NDUFAF6: variants seen among roughly 807,000 people sequenced by gnomAD.
The protein encoded by NDUFAF6 is NADH dehydrogenase (ubiquinone) complex I, assembly factor 6.
A neutral mutation model predicts 40.8 loss-of-function variants in NDUFAF6; 45 were observed. The observed-to-expected ratio is 1.10, with a 90% CI of 0.87 to 1.42. The LOEUF is 1.42. Ranked by LOEUF, NDUFAF6 falls within the 40% of genes most tolerant of loss-of-function variation. The pLI, the probability that NDUFAF6 is intolerant of heterozygous loss-of-function variation, is 0.00. For synonymous variants in NDUFAF6, 185 were observed against 155.9 expected, an observed-to-expected ratio of 1.19 and a Z score of -1.39; for missense variants, 435 against 418.5, an observed-to-expected ratio of 1.04 and a Z score of -0.34.
chr8:95,093,979 GT>G (rs922022343), intron 2 of NDUFAF6, among the ~76,000 whole-genome samples: 3 of 150,808 alleles, frequency 2.0e-5, no homozygotes, highest in African/African-American at 7.3e-5. Context: ...TTTTTTTGTT[GT>G]TTTTTTTTGA....
chr8:94,942,011 C>A (rs1821584377), intron 1 of NDUFAF6, among the ~76,000 whole-genome samples: 1 of 152,002 alleles, frequency 6.6e-6, no homozygotes. Context: ...GTTATTCAGG[C>A]CAACACCCTA....
downstream of NDUFAF6, among the ~76,000 whole-genome samples, chr8:95,107,933 G>C (rs1809888533): frequency 1.3e-5 from 2 of 152,160 alleles, no homozygotes; most frequent in South Asian, 4.1e-4. Flanking sequence ...CAACTGTCTG[G>C]GCCACATGAG....
At chr8:94,918,151 C>A (rs893993155) in intron 1 of NDUFAF6, among the ~76,000 whole-genome samples, 24 of 152,156 alleles carry the variant, frequency 1.6e-4, no homozygotes, top group African/African-American at 5.8e-4. Flanking sequence ...AGTGCACCGA[C>A]CTGACCAATC....
chr8:95,088,339 T>C (rs926563979), intron 2 of NDUFAF6, among the ~76,000 whole-genome samples: 5 of 152,250 alleles, frequency 3.3e-5, no homozygotes, highest in Admixed American at 3.3e-4. Flanking sequence ...CTGGATTCTT[T>C]CCATATTCCC....
At chr8:95,109,312 G>A (rs1016610466) in intron 4 of NDUFAF6, among the ~76,000 whole-genome samples, 4 of 152,168 alleles carry the variant, frequency 2.6e-5, no homozygotes, top group Admixed American at 2.0e-4. Context: ...CAAAATAAAC[G>A]ATTAACAAAT....
At chr8:95,082,857 T>C (rs1205033560) in intron 2 of NDUFAF6, among the ~76,000 whole-genome samples, 2 of 152,164 alleles carry the variant, frequency 1.3e-5, no homozygotes, top group Non-Finnish European at 2.9e-5. Context: ...AGACGGGGTT[T>C]CACCGTTTTA....
chr8:94,927,038 A>G (rs1433590112), intron 1 of NDUFAF6: 1 of 152,410 alleles, frequency 6.6e-6, no homozygotes, highest in Non-Finnish European at 1.5e-5. Flanking sequence ...TTAAAGTAAC[A>G]TTACAAACAT....
At chr8:94,898,577 C>T (rs145930347) in intron 1 of NDUFAF6, among the ~76,000 whole-genome samples, 13 of 152,228 alleles carry the variant, frequency 8.5e-5, no homozygotes, top group Middle Eastern at 3.4e-3. Context: ...TGATCTTGAC[C>T]GCTTGGCTGA....
chr8:95,109,553 A>T (rs886079727), intron 4 of NDUFAF6, among the ~76,000 whole-genome samples: 1 of 150,154 alleles, frequency 6.7e-6, no homozygotes, highest in Non-Finnish European at 1.5e-5. Context: ...AGAAAATGTA[A>T]TCATAGATAG....
chr8:94,962,863 T>C (rs1182317176), intron 1 of NDUFAF6, among the ~76,000 whole-genome samples: 1 of 151,358 alleles, frequency 6.6e-6, no homozygotes, highest in Non-Finnish European at 1.5e-5. Flanking sequence ...TGATCTCAGC[T>C]CACTGCAACC....
At chr8:95,115,145 C>G (rs1395042952) in intron 4 of NDUFAF6, among the ~76,000 whole-genome samples, 2 of 152,060 alleles carry the variant, frequency 1.3e-5, no homozygotes, top group Admixed American at 1.3e-4. Flanking sequence ...AAATTGCCAA[C>G]TCTTCAAAAA....
At chr8:94,938,551 C>A (rs754955662) in intron 1 of NDUFAF6, among the ~76,000 whole-genome samples, 5 of 152,136 alleles carry the variant, frequency 3.3e-5, no homozygotes, top group Non-Finnish European at 4.4e-5. Context: ...TTAGCCCCAC[C>A]CCTCAAACTC....
intron 1 of NDUFAF6, among the ~76,000 whole-genome samples, chr8:94,961,405 G>A (rs1251987548): frequency 1.3e-5 from 2 of 152,190 alleles, no homozygotes; most frequent in African/African-American, 4.8e-5. Flanking sequence ...AGAGAATGAA[G>A]TCACAGCAAC....
upstream of NDUFAF6, among the ~76,000 whole-genome samples, chr8:95,023,989 CAAA>C (rs35426799): frequency 8.0e-6 from 1 of 124,322 alleles, no homozygotes; most frequent in Non-Finnish European, 1.8e-5. Context: ...GACTCTGTCT[CAAA>C]AAAAAAAAAA....
intron 1 of NDUFAF6, among the ~76,000 whole-genome samples, chr8:94,904,533 C>T (rs1818267251): frequency 6.6e-6 from 1 of 151,650 alleles, no homozygotes; most frequent in Admixed American, 6.6e-5. Flanking sequence ...GAGACTCTAA[C>T]TTTATGCAGT....
At chr8:95,104,190 C>A (rs1413959359), downstream of NDUFAF6, among the ~76,000 whole-genome samples, 1 of 152,160 alleles carries the variant, frequency 6.6e-6, no homozygotes, top group Non-Finnish European at 1.5e-5. Flanking sequence ...AATTCTAATT[C>A]ATTACCAACA....
chr8:95,050,397 G>A (rs1030447782), intron 7 of NDUFAF6, among the ~76,000 whole-genome samples: 2 of 152,156 alleles, frequency 1.3e-5, no homozygotes, highest in African/African-American at 4.8e-5. Context: ...GCTTTTGAGA[G>A]GCATTAGAGT....
chr8:94,950,168 C>T (rs1391033452), intron 2 of NDUFAF6: 1 of 152,388 alleles, frequency 6.6e-6, no homozygotes, highest in Non-Finnish European at 1.5e-5. Context: ...TGCAGCCTAG[C>T]TCTCATGTGA....
At chr8:95,001,609 C>T (rs114177102) in intron 2 of NDUFAF6, among the ~76,000 whole-genome samples, 1,537 of 152,218 alleles carry the variant, frequency 0.01, 28 homozygotes, top group African/African-American at 0.035. Flanking sequence ...GTATTTTTTG[C>T]CCAGGTATTT....
Sources: gnomAD v4.1 joint callset for allele counts (sites outside exome capture counted in the v4.1 genomes callset) on GRCh38, gnomAD v4.1.1 for gene constraint, MANE v1.5 for transcripts, NCBI Gene and HGNC (gene_info 2026-07-23, HGNC 2026-07-21) for gene names.